TENM3: variants seen among roughly 807,000 people sequenced by gnomAD.
TENM3 encodes teneurin-3.
Under a neutral mutation model 255.1 loss-of-function variants are expected in TENM3, and 63 were observed. That is an observed-to-expected ratio of 0.25 (90% CI 0.20 to 0.30). The LOEUF (loss-of-function observed/expected upper bound fraction) is 0.30, where lower values mean the gene tolerates loss of function less well. Among genes scored for constraint, TENM3 ranks in the 10% least tolerant of loss-of-function variants. The pLI is 1.00. For synonymous variants in TENM3, 1,306 were observed against 1,322.3 expected (o/e 0.99, Z 0.27); for missense variants, 2,929 against 3,461.1 (o/e 0.85, Z 3.86).
At chr4:181,646,329 G>A in the TENM3 span, among the ~76,000 whole-genome samples, 9 of 152,146 alleles carry the variant, frequency 5.9e-5, no homozygotes, top group Non-Finnish European at 1.3e-4. Flanking sequence ...ACAAAAGACA[G>A]GATTATTGGG....
At chr4:182,201,501 T>C (rs1754184237) in intron 1 of TENM3, among the ~76,000 whole-genome samples, 1 of 151,958 alleles carries the variant, frequency 6.6e-6, no homozygotes, top group Non-Finnish European at 1.5e-5. Context: ...TCCAGGACTG[T>C]GCAGGTGGGA....
At chr4:181,602,039 T>C in the TENM3 span, among the ~76,000 whole-genome samples, 1 of 152,192 alleles carries the variant, frequency 6.6e-6, no homozygotes, top group East Asian at 1.9e-4. Context: ...AAGGCCCTTT[T>C]TCCAAATTAG....
At chr4:182,199,711 A>G (rs1238928677) in intron 1 of TENM3, among the ~76,000 whole-genome samples, 2 of 147,258 alleles carry the variant, frequency 1.4e-5, no homozygotes, top group East Asian at 2.0e-4. Flanking sequence ...GCTTTGTGGA[A>G]CATCATTGCT....
At chr4:181,580,170 G>A in the TENM3 span, among the ~76,000 whole-genome samples, 1 of 151,774 alleles carries the variant, frequency 6.6e-6, no homozygotes, top group South Asian at 2.1e-4. Context: ...GCTAATTTTT[G>A]TATTTTTAGT....
the TENM3 span, among the ~76,000 whole-genome samples, chr4:181,760,969 TACACAC>T: frequency 7.4e-3 from 373 of 50,652 alleles, 1 homozygote; most frequent in Admixed American, 0.016. Flanking sequence ...ACCACACACA[TACACAC>T]ACACACACAC....
intron 3 of TENM3, chr4:182,449,194 T>TGGCGGTGGCGGTGGTGGC (rs2151305207): frequency 1.7e-5 from 1 of 57,270 alleles, no homozygotes; most frequent in African/African-American, 9.1e-5. Flanking sequence ...ACCGCGGCGG[T>TGGCGGTGGCGGTGGTGGC]GGCGGTGGCG....
chr4:182,545,896 T>C (rs1433484502), intron 3 of TENM3, among the ~76,000 whole-genome samples: 1 of 152,212 alleles, frequency 6.6e-6, no homozygotes, highest in East Asian at 1.9e-4. Context: ...AAATTCCTCA[T>C]GTAACATTTG....
intron 5 of TENM3, among the ~76,000 whole-genome samples, chr4:182,650,802 A>T (rs1561055731): frequency 7.3e-6 from 1 of 136,508 alleles, no homozygotes; most frequent in East Asian, 2.5e-4. Flanking sequence ...TATTAAAGAG[A>T]TAATATTTCT....
At chr4:182,175,526 A>G (rs1474881336) in intron 1 of TENM3, among the ~76,000 whole-genome samples, 1 of 152,090 alleles carries the variant, frequency 6.6e-6, no homozygotes, top group African/African-American at 2.4e-5. Flanking sequence ...TGGCCTACTT[A>G]AAACATCTGA....
chr4:182,392,605 A>G (rs533565979), intron 3 of TENM3, among the ~76,000 whole-genome samples: 46 of 152,134 alleles, frequency 3.0e-4, no homozygotes, highest in African/African-American at 1.1e-3. Context: ...GTTATTGCCC[A>G]TGTGGGGAGC....
chr4:182,514,681 C>G (rs1737755419), intron 3 of TENM3, among the ~76,000 whole-genome samples: 1 of 151,824 alleles, frequency 6.6e-6, no homozygotes, highest in Non-Finnish European at 1.5e-5. Context: ...CTGTAAGCCA[C>G]TAAATTGAGT....
the TENM3 span, among the ~76,000 whole-genome samples, chr4:181,541,442 C>T: frequency 6.6e-6 from 1 of 151,992 alleles, no homozygotes; most frequent in African/African-American, 2.4e-5. Flanking sequence ...TCAAAATTCA[C>T]TAAACACTCA....
intron 22 of TENM3, among the ~76,000 whole-genome samples, chr4:182,758,053 C>T (rs1011694132): frequency 8.6e-5 from 13 of 152,038 alleles, no homozygotes; most frequent in African/African-American, 3.1e-4. Context: ...ATAAAATTAG[C>T]AGAAAGACTG....
chr4:181,644,482 G>A, the TENM3 span, among the ~76,000 whole-genome samples: 1 of 151,582 alleles, frequency 6.6e-6, no homozygotes, highest in Non-Finnish European at 1.5e-5. Context: ...TCCTAAAGAT[G>A]AAAGATAATC....
rs531221782 is a variant in TENM3 at position 182,403,826 on chromosome 4, C to T, written c.511+56897C>T. 3.0e-4 allele frequency among the ~76,000 whole-genome samples: 45 copies of T among 152,252 alleles called. 1 individual carries two copies. Among genetic ancestry groups the T allele is most frequent in the African/African-American group, 1.1e-3 (45 of 41,550 alleles). On this transcript the variant is annotated intron_variant, in intron 3 of 27. Transcript: ENST00000511685. Reference sequence around the variant, plus strand: ...AGCCCCAACCTCCTGGGCTCAGATCCTCCAGCCTCAGCCTTCTAAGTAGCT... The same window carrying T: ...AGCCCCAACCTCCTGGGCTCAGATCTTCCAGCCTCAGCCTTCTAAGTAGCT...
chr4:182,161,955 GTGTGTATA>G lies in TENM3; in HGVS notation c.-76+17203_-76+17210del, dbSNP rs1450814175. On this transcript the variant is annotated intron_variant, in intron 1 of 2. Coordinates refer to the TENM3 transcript ENST00000512480. ...TACACATATATATATTTGTGTGTGT[GTGTGTATA>G]TATATATATATATATATATATATAT... is the stretch of plus-strand genomic sequence containing the variant. 4.2e-3 allele frequency among the ~76,000 whole-genome samples: 54 copies of G among 12,746 alleles called. 13 individuals are homozygous for G. The highest frequency in any genetic ancestry group is 0.012 in the African/African-American group (50 of 4,100). 8.4% of individuals were successfully genotyped at this position (12,746 alleles called of 152,430 possible).
At chr4:182,734,465 A>G (rs1041583730) in intron 16 of TENM3, among the ~76,000 whole-genome samples, 2 of 152,210 alleles carry the variant, frequency 1.3e-5, no homozygotes, top group Non-Finnish European at 2.9e-5. Context: ...CGCAGAAGAT[A>G]TTGATAGAAA....
At chr4:181,523,408 C>T in the TENM3 span, among the ~76,000 whole-genome samples, 1 of 141,480 alleles carries the variant, frequency 7.1e-6, no homozygotes, top group African/African-American at 2.5e-5. Context: ...TGAAATAAAA[C>T]ATTTTAAAAT....
At chr4:181,991,928 G>A in the TENM3 span, among the ~76,000 whole-genome samples, 2,057 of 152,124 alleles carry the variant, frequency 0.014, 60 homozygotes, top group African/African-American at 0.046. Context: ...ATCCTGCCTT[G>A]TACTTATATG....
Sources: gnomAD v4.1 joint callset for allele counts (sites outside exome capture counted in the v4.1 genomes callset) on GRCh38, gnomAD v4.1.1 for gene constraint, MANE v1.5 for transcripts, NCBI Gene and HGNC (gene_info 2026-07-23, HGNC 2026-07-21) for gene names.